Variants in CARMIL1 observed in about 807,000 individuals in gnomAD.
The protein encoded by CARMIL1 is capping protein regulator and myosin 1 linker 1.
Under a neutral mutation model 177.1 loss-of-function variants are expected in CARMIL1, and 90 were observed. The ratio of observed to expected loss-of-function variants is 0.51; its 90% CI spans 0.43 to 0.61. The LOEUF (loss-of-function observed/expected upper bound fraction) is 0.61, where lower values mean the gene tolerates loss of function less well. CARMIL1 is among the 20% of genes least tolerant of loss of function. CARMIL1 has a pLI of 0.00. For synonymous variants in CARMIL1, 577 were observed against 606.2 expected, an observed-to-expected ratio of 0.95 and a Z score of 0.71; for missense variants, 1,380 against 1,667.0, an observed-to-expected ratio of 0.83 and a Z score of 3.00.
At chr6:25,581,529 A>C in intron 31 of CARMIL1, 90 bp downstream of exon 31, 1 of 1,197,224 alleles carries the variant, frequency 8.4e-7, no homozygotes, top group Non-Finnish European at 1.2e-6. Flanking sequence ...GCTTTGCACA[A>C]ACATGAAAGC....
intron 21 of CARMIL1, among the ~76,000 whole-genome samples, chr6:25,516,461 A>T (rs574764253): frequency 1.6e-4 from 25 of 152,342 alleles, no homozygotes; most frequent in Non-Finnish European, 2.9e-4. Flanking sequence ...GTGAATGAAG[A>T]GTTAATTCAC....
At chr6:25,449,719 G>GT (rs1040942777) in intron 5 of CARMIL1, among the ~76,000 whole-genome samples, 179 bp from the exon 6 acceptor site, 4 of 152,106 alleles carry the variant, frequency 2.6e-5, no homozygotes, top group African/African-American at 9.7e-5. Flanking sequence ...GATTTATTAT[G>GT]TTTTCTAGAT....
intron 4 of CARMIL1, among the ~76,000 whole-genome samples, chr6:25,434,707 T>C (rs1016405648): frequency 4.7e-5 from 7 of 148,202 alleles, no homozygotes; most frequent in African/African-American, 1.8e-4. Context: ...CTAATTTTTG[T>C]ATTTTTGTAT....
chr6:25,404,436 G>A (rs1233187592), intron 2 of CARMIL1, among the ~76,000 whole-genome samples: 4 of 152,204 alleles, frequency 2.6e-5, no homozygotes, highest in African/African-American at 4.8e-5. Flanking sequence ...GGAGTTTGCT[G>A]CCTTGGGAGG....
At chr6:25,569,259 T>C (rs1329659738) in intron 29 of CARMIL1, among the ~76,000 whole-genome samples, 1 of 152,196 alleles carries the variant, frequency 6.6e-6, no homozygotes, top group East Asian at 1.9e-4. Context: ...AGTAGGGATG[T>C]TGATTAAAAG....
chr6:25,346,721 ATAAC>A (rs1787552055), intron 2 of CARMIL1, among the ~76,000 whole-genome samples: 1 of 151,576 alleles, frequency 6.6e-6, no homozygotes, highest in African/African-American at 2.4e-5. Context: ...TAAGAGAAAA[ATAAC>A]TATTTCTGGC....
intron 4 of CARMIL1, among the ~76,000 whole-genome samples, chr6:25,426,918 G>A (rs1796325107): frequency 6.6e-6 from 1 of 152,024 alleles, no homozygotes; most frequent in Non-Finnish European, 1.5e-5. Flanking sequence ...GAATTTTTTG[G>A]ATTTATTAAA....
At chr6:25,443,268 C>T (rs1452193013) in intron 5 of CARMIL1, among the ~76,000 whole-genome samples, 1 of 152,154 alleles carries the variant, frequency 6.6e-6, no homozygotes, top group African/African-American at 2.4e-5. Flanking sequence ...GAATATAATG[C>T]CATTAAAATG....
At chr6:25,611,689 G>A (rs1442361861) in intron 36 of CARMIL1, among the ~76,000 whole-genome samples, 1 of 152,106 alleles carries the variant, frequency 6.6e-6, no homozygotes, top group Non-Finnish European at 1.5e-5. Context: ...AAAAATAGAA[G>A]AAAAAAGATC....
intron 2 of CARMIL1, among the ~76,000 whole-genome samples, chr6:25,315,531 A>G (rs1784209048): frequency 6.6e-6 from 1 of 152,138 alleles, no homozygotes; most frequent in Non-Finnish European, 1.5e-5. Context: ...AGCCTCCTCC[A>G]TACCGCTGCC....
chr6:25,287,347 A>C (rs980166441), intron 2 of CARMIL1: 3 of 152,194 alleles, frequency 2.0e-5, no homozygotes, highest in Non-Finnish European at 2.9e-5. Flanking sequence ...TTGAGACTTT[A>C]TACTATTTCT....
Position 25,284,863 on chromosome 6 carries a change from A to C in CARMIL1, c.92A>C (p.Lys31Thr). The stretch of plus-strand genomic sequence containing the variant: ...AAGATAAAAATTTCAGTGAAGAAGA[A>C]AGTAAAGTTGGAAGTTAAGGGAGAC... ...GRKIKISVKK[K>T]VKLEVKGDKV... The change falls in exon 2 of 37, where the codon AAA becomes ACA. Residue 31 changes from lysine to threonine, a missense_variant. Lys to Thr is a moderately conservative substitution (Grantham distance 78, BLOSUM62 -1). Coordinates refer to ENST00000329474, the MANE Select transcript of CARMIL1 (RefSeq NM_017640.6). 1 of 1,574,708 alleles carries C rather than the reference A, an allele frequency of 6.4e-7. No individual in the cohort carries two copies. Among genetic ancestry groups the C allele is most frequent in the Non-Finnish European group, 8.6e-7 (1 of 1,158,280 alleles).
chr6:25,540,196 G>A, intron 26 of CARMIL1, 118 bp downstream of exon 26: 1 of 957,048 alleles, frequency 1.0e-6, no homozygotes. Flanking sequence ...CTGCAAAGAT[G>A]TAGTAAAAAT....
At chr6:25,502,728 T>C (rs573157158) in intron 17 of CARMIL1, among the ~76,000 whole-genome samples, 1 of 152,326 alleles carries the variant, frequency 6.6e-6, no homozygotes, top group South Asian at 2.1e-4. Context: ...AGTGATCATC[T>C]GGTTCCTTAA....
rs1554200818 is a variant in CARMIL1 at position 25,459,242 on chromosome 6, C to CTTTCTTTCTTTCTTTCTTTCTT, written c.615-6629_615-6608dup. On this transcript the variant is annotated intron_variant, in intron 8 of 36. Transcript: ENST00000329474. Reference sequence around the variant, plus strand: ...TCTTTCTTTCTTTCTTTCTTTCTTTCTTTCTTTCTTTCTTTCTTTCTTTCT... The same window carrying CTTTCTTTCTTTCTTTCTTTCTT: ...TCTTTCTTTCTTTCTTTCTTTCTTTCTTTCTTTCTTTCTTTCTTTCTTTTTCTTTCTTTCTTTCTTTCTTTCT... Among the ~76,000 whole-genome samples the CTTTCTTTCTTTCTTTCTTTCTT allele has an allele frequency of 8.8e-3, 889 of 100,780 alleles. 36 individuals carry two copies. Among genetic ancestry groups the CTTTCTTTCTTTCTTTCTTTCTT allele is most frequent in the African/African-American group, 0.01 (283 of 27,160 alleles). 66.1% of individuals were successfully genotyped at this position (100,780 alleles called of 152,430 possible).
rs867501619 is a variant in CARMIL1 at position 25,459,924 on chromosome 6, A to T, written c.615-5949A>T. 3.3e-5 allele frequency among the ~76,000 whole-genome samples: 5 copies of T among 152,360 alleles called. No individual in the cohort carries two copies. In the Middle Eastern group the frequency reaches 0.014, roughly 415 times the overall value. ...TTTTCAGATCAAAGGTTACATCATAATTAGGAGTTTCTTAGGATGTCAAAG... is the reference window on the plus strand; with the variant it reads ...TTTTCAGATCAAAGGTTACATCATATTTAGGAGTTTCTTAGGATGTCAAAG... On this transcript the variant is annotated intron_variant, in intron 8 of 36. Coordinates refer to ENST00000329474, the MANE Select transcript of CARMIL1 (RefSeq NM_017640.6).
At chr6:25,289,864 A>G (rs1781802591) in intron 2 of CARMIL1, among the ~76,000 whole-genome samples, 2 of 152,326 alleles carry the variant, frequency 1.3e-5, no homozygotes, top group South Asian at 4.1e-4. Flanking sequence ...TTTGTCTATT[A>G]GGAATAAAAC....
intron 2 of CARMIL1, among the ~76,000 whole-genome samples, chr6:25,369,515 T>C (rs1398788144): frequency 2.0e-5 from 3 of 152,096 alleles, no homozygotes; most frequent in Non-Finnish European, 2.9e-5. Flanking sequence ...GGATCTAGCT[T>C]GTGCCCCTCG....
chr6:25,329,350 C>T (rs950279998), intron 2 of CARMIL1, among the ~76,000 whole-genome samples: 5 of 152,088 alleles, frequency 3.3e-5, no homozygotes, highest in South Asian at 4.1e-4. Context: ...TCTGCCATCC[C>T]GAAAGCACCC....
Sources: gnomAD v4.1 joint callset for allele counts (sites outside exome capture counted in the v4.1 genomes callset) on GRCh38, gnomAD v4.1.1 for gene constraint, MANE v1.5 for transcripts, NCBI Gene and HGNC (gene_info 2026-07-23, HGNC 2026-07-21) for gene names.